Variants in ANO2 observed in about 807,000 individuals in gnomAD.
ANO2 encodes the protein anoctamin-2.
A neutral mutation model predicts 124.2 loss-of-function variants in ANO2; 101 were observed. The ratio of observed to expected loss-of-function variants is 0.81; its 90% confidence interval spans 0.69 to 0.96. The LOEUF (loss-of-function observed/expected upper bound fraction) is 0.96, where lower values mean the gene tolerates loss of function less well. Ranked by LOEUF, ANO2 falls within the 40% of genes least tolerant of loss-of-function variation. The probability of loss-of-function intolerance (pLI) is 0.00; values close to 1 mark genes in which losing one functional copy is unlikely to be tolerated. For missense variants in ANO2, 1,293 were observed against 1,274.5 expected (o/e 1.01, Z -0.22); for synonymous variants, 486 against 482.5 (o/e 1.01, Z -0.09).
At chr12:5,914,192 T>C (rs1474606846) in intron 3 of ANO2, among the ~76,000 whole-genome samples, 1 of 123,132 alleles carries the variant, frequency 8.1e-6, no homozygotes, top group South Asian at 2.9e-4. Flanking sequence ...AGAGTGAGAC[T>C]CCATCTCAAA....
chr12:5,842,904 C>A (rs1954563107), intron 4 of ANO2, among the ~76,000 whole-genome samples: 1 of 152,022 alleles, frequency 6.6e-6, no homozygotes, highest in African/African-American at 2.4e-5. Flanking sequence ...CAGTGAGAAG[C>A]ATTACAGAAA....
chr12:5,762,973 T>C (rs1306452675), intron 10 of ANO2, among the ~76,000 whole-genome samples: 1 of 152,006 alleles, frequency 6.6e-6, no homozygotes, highest in Non-Finnish European at 1.5e-5. Flanking sequence ...AGGTTTTTCA[T>C]ACAACTATGT....
intron 10 of ANO2, among the ~76,000 whole-genome samples, chr12:5,764,248 G>A (rs770218505): frequency 1.3e-5 from 2 of 152,328 alleles, no homozygotes; most frequent in African/African-American, 2.4e-5. Flanking sequence ...CAGCTAGTAC[G>A]TGGCAGAGCA....
intron 17 of ANO2, among the ~76,000 whole-genome samples, chr12:5,614,583 T>C (rs948920683): frequency 6.6e-6 from 1 of 152,246 alleles, no homozygotes; most frequent in Non-Finnish European, 1.5e-5. Context: ...TATATGTCTC[T>C]TCCATTTGCT....
At chr12:5,940,975 T>C (rs183128489) in intron 1 of ANO2, among the ~76,000 whole-genome samples, 207 of 152,316 alleles carry the variant, frequency 1.4e-3, no homozygotes, top group Admixed American at 3.4e-3. Context: ...TTGAAAGCAT[T>C]ATGCTAAGTG....
chr12:5,811,379 T>G (rs1290103619), intron 7 of ANO2, among the ~76,000 whole-genome samples: 2 of 152,212 alleles, frequency 1.3e-5, no homozygotes, highest in African/African-American at 4.8e-5. Flanking sequence ...AAGCCTTTTC[T>G]TCTAAGAAAA....
chr12:5,811,491 G>A (rs957247524), intron 7 of ANO2, among the ~76,000 whole-genome samples: 3 of 152,180 alleles, frequency 2.0e-5, no homozygotes, highest in African/African-American at 7.2e-5. Context: ...CCTGATTGGG[G>A]AGGGGAGGTT....
In ANO2 at chr12:5,586,210, C is replaced by T. The variant is rs566155412; in HGVS notation, c.2234-7692G>A. On this transcript the variant is annotated intron_variant, in intron 20 of 24. Coordinates refer to ENST00000682330, the MANE Select transcript of ANO2 (RefSeq NM_001364791.2). ...ACACTTTTGCCTTTTTTCTTAAAGG[C>T]GTGGGGATGCAGTCTAGGGCAGATA... is the stretch of plus-strand genomic sequence containing the variant. 3.9e-5 allele frequency among the ~76,000 whole-genome samples: 6 copies of T among 152,218 alleles called. No homozygotes were observed. The East Asian group carries it at 5.8e-4, about 15-fold the overall frequency.
intron 20 of ANO2, among the ~76,000 whole-genome samples, chr12:5,596,753 ACT>A (rs1404549668): frequency 7.9e-5 from 12 of 151,916 alleles, no homozygotes; most frequent in Non-Finnish European, 1.5e-5. Context: ...TATTTCCCTA[ACT>A]CTGCCTTCCT....
chr12:5,849,184 C>A (rs962516454), intron 4 of ANO2, among the ~76,000 whole-genome samples: 1 of 152,144 alleles, frequency 6.6e-6, no homozygotes. Context: ...AAAGCTCTGA[C>A]GATTGGACAA....
chr12:5,817,394 A>C (rs1441192908), intron 7 of ANO2, among the ~76,000 whole-genome samples: 2 of 152,234 alleles, frequency 1.3e-5, no homozygotes, highest in Non-Finnish European at 2.9e-5. Flanking sequence ...AAATCAACTG[A>C]GTAGAATGTG....
At chr12:5,795,209 G>A (rs894616607) in intron 10 of ANO2, among the ~76,000 whole-genome samples, 4 of 152,304 alleles carry the variant, frequency 2.6e-5, no homozygotes, top group Admixed American at 6.5e-5. Context: ...GTGTAGCAAC[G>A]TTGGGGCACA....
In ANO2 at chr12:5,694,251, CAGAGAG is replaced by C. The variant is rs5796182; in HGVS notation, c.1545+38263_1545+38268del. ...CCTTAGCAGAAGGGTTTACCAGAGA[CAGAGAG>C]AGAGAGAGAGAGAGAGAGAGAGAGA... On this transcript the variant is annotated intron_variant, in intron 14 of 24. Coordinates refer to ENST00000682330, the MANE Select transcript of ANO2 (RefSeq NM_001364791.2). Among the ~76,000 whole-genome samples, 32 of 133,968 alleles carry C rather than the reference CAGAGAG, an allele frequency of 2.4e-4. 1 individual carries two copies. The highest frequency in any genetic ancestry group is 1.0e-3 in the South Asian group (4 of 3,866). 87.9% of individuals were successfully genotyped at this position (133,968 alleles called of 152,430 possible).
At chr12:5,592,376 G>A (rs976975408) in intron 20 of ANO2, among the ~76,000 whole-genome samples, 28 of 152,172 alleles carry the variant, frequency 1.8e-4, no homozygotes, top group African/African-American at 6.7e-4. Context: ...TGAGAAAATG[G>A]TGCCAAGGGC....
rs1213942675 is a variant in ANO2, at chr12:5,878,968, A to G, written c.535-24827T>C. Among the ~76,000 whole-genome samples, 3 of 152,344 alleles carry G rather than the reference A, an allele frequency of 2.0e-5. No homozygotes were observed. In the East Asian group the frequency reaches 5.8e-4, roughly 29 times the overall value. ...TGCTCAGGCTTAACATTTGGTTTGA[A>G]GAAAGAAAGAGAAATTGACCATCAG... On this transcript the variant is annotated intron_variant, in intron 3 of 24. Transcript: ENST00000682330.
chr12:5,918,142 T>C (rs1012895100), intron 3 of ANO2, among the ~76,000 whole-genome samples: 4 of 152,084 alleles, frequency 2.6e-5, no homozygotes, highest in Non-Finnish European at 5.9e-5. Flanking sequence ...GGAGAGACCA[T>C]CTCAGCAGAC....
At chr12:5,714,409 C>T (rs546380835) in intron 14 of ANO2, among the ~76,000 whole-genome samples, 24 of 152,288 alleles carry the variant, frequency 1.6e-4, no homozygotes, top group African/African-American at 4.8e-4. Context: ...ATACACCACG[C>T]ACAAGAAACA....
At chr12:5,798,897 A>G (rs890741712) in intron 10 of ANO2, among the ~76,000 whole-genome samples, 1 of 152,238 alleles carries the variant, frequency 6.6e-6, no homozygotes, top group African/African-American at 2.4e-5. Context: ...AGTCAGACCT[A>G]TGACATTCCA....
chr12:5,807,315 C>G lies in ANO2; in HGVS notation c.946G>C (p.Asp316His). 1 of 1,553,366 alleles carries G rather than the reference C, an allele frequency of 6.4e-7. No homozygotes were observed. Among genetic ancestry groups the G allele is most frequent in the Admixed American group, 2.0e-5 (1 of 51,040 alleles). Residue 316 changes from aspartate to histidine, a missense_variant and splice_region_variant, in exon 8 of 25, where the codon GAC becomes CAC. Asp to His is a moderately conservative substitution (Grantham distance 81, BLOSUM62 -1). Coordinates refer to ENST00000682330, the MANE Select transcript of ANO2 (RefSeq NM_001364791.2). ...ACGCTGATGAAAATAGTACTTACGTCATGAAGAGGGTAGGCAGCCTCATAG... is the reference window on the plus strand; with the variant it reads ...ACGCTGATGAAAATAGTACTTACGTGATGAAGAGGGTAGGCAGCCTCATAG... ...NIYEAAYPLHDGEYDSPEDDM... is the reference protein window; with the variant it reads ...NIYEAAYPLHHGEYDSPEDDM...
Sources: allele counts gnomAD v4.1 joint callset (sites outside exome capture counted in the v4.1 genomes callset), GRCh38; gene constraint gnomAD v4.1.1; transcripts MANE v1.5; gene names NCBI Gene and HGNC (gene_info 2026-07-23, HGNC 2026-07-21).